The following MAPK14 variants were observed in gnomAD, a reference collection of about 807,000 sequenced individuals.
MAPK14 encodes the protein CSAID-binding protein.
Under a neutral mutation model 49.6 loss-of-function variants are expected in MAPK14, and 16 were observed. That is an observed-to-expected ratio of 0.32 (90% CI 0.22 to 0.49). MAPK14 has a LOEUF of 0.49. Among genes scored for constraint, MAPK14 ranks in the 20% least tolerant of loss-of-function variants. The pLI, the probability that MAPK14 is intolerant of heterozygous loss-of-function variation, is 0.99. For synonymous variants in MAPK14, 142 were observed against 158.0 expected, an observed-to-expected ratio of 0.90 and a Z score of 0.76; for missense variants, 200 against 441.2, an observed-to-expected ratio of 0.45 and a Z score of 4.90.
At chr6:36,108,014 G>C (rs1432880454) in intron 11 of MAPK14, among the ~76,000 whole-genome samples, 1 of 152,150 alleles carries the variant, frequency 6.6e-6, no homozygotes, top group African/African-American at 2.4e-5. Context: ...CATGTATCCT[G>C]TGTCCAGTCC....
intron 6 of MAPK14, among the ~76,000 whole-genome samples, chr6:36,074,376 A>G (rs1166549926): frequency 6.6e-6 from 1 of 152,222 alleles, no homozygotes; most frequent in East Asian, 1.9e-4. Context: ...AAGTAGGCCC[A>G]AAGAGGTGAT....
At chr6:36,070,778 G>T (rs143073892) in intron 3 of MAPK14, among the ~76,000 whole-genome samples, 144 of 152,180 alleles carry the variant, frequency 9.5e-4, no homozygotes, top group Non-Finnish European at 1.8e-4. Flanking sequence ...CCTCTTGGAG[G>T]ACAGAAAGTA....
At chr6:36,057,776 A>G (rs771982007) in intron 2 of MAPK14, among the ~76,000 whole-genome samples, 5 of 152,146 alleles carry the variant, frequency 3.3e-5, no homozygotes, top group African/African-American at 4.8e-5. Context: ...TAATTAGAAG[A>G]TCTTTTTCAT....
intron 8 of MAPK14, among the ~76,000 whole-genome samples, chr6:36,083,030 G>A (rs1174920136): frequency 1.3e-5 from 2 of 152,066 alleles, no homozygotes; most frequent in East Asian, 3.9e-4. Flanking sequence ...TTCCTTTAAA[G>A]ATATAAGAAA....
intron 1 of MAPK14, among the ~76,000 whole-genome samples, chr6:36,040,137 A>G (rs1762908469): frequency 6.6e-6 from 1 of 152,152 alleles, no homozygotes; most frequent in African/African-American, 2.4e-5. Context: ...CTCAACCTGT[A>G]TAACCCAGGG....
chr6:36,118,008 A>G, the MAPK14 span, among the ~76,000 whole-genome samples: 2 of 152,228 alleles, frequency 1.3e-5, no homozygotes, highest in African/African-American at 4.8e-5. Context: ...TGCCTAAGAA[A>G]TGGTGCTGTG....
chr6:36,074,741 G>A (rs1278895843), intron 6 of MAPK14, among the ~76,000 whole-genome samples: 3 of 151,438 alleles, frequency 2.0e-5, no homozygotes, highest in African/African-American at 7.3e-5. Context: ...TCAGCCTCCC[G>A]AGTAGCTGGG....
At chr6:36,034,177 T>G (rs774395109) in intron 1 of MAPK14, among the ~76,000 whole-genome samples, 1 of 152,212 alleles carries the variant, frequency 6.6e-6, no homozygotes, top group Non-Finnish European at 1.5e-5. Flanking sequence ...CCAGTTTATG[T>G]GAGGGGTAAT....
intron 3 of MAPK14, among the ~76,000 whole-genome samples, chr6:36,061,936 T>C (rs1418124939): frequency 6.6e-6 from 1 of 152,236 alleles, no homozygotes; most frequent in Non-Finnish European, 1.5e-5. Context: ...GATGTTCATA[T>C]CACTGAAAAA....
intron 9 of MAPK14, 192 bp downstream of exon 9, chr6:36,096,258 A>G (rs1765443101): frequency 5.6e-6 from 3 of 531,272 alleles, no homozygotes; most frequent in Admixed American, 3.6e-5. Context: ...TGCATGCACA[A>G]GTGTGTTTTA....
intron 8 of MAPK14, among the ~76,000 whole-genome samples, chr6:36,079,621 A>G (rs1407834349): frequency 6.6e-6 from 1 of 152,216 alleles, no homozygotes; most frequent in Non-Finnish European, 1.5e-5. Flanking sequence ...CTTGCTCTAG[A>G]AGGTACTCAT....
At chr6:36,048,440 G>A (rs1763271209) in intron 1 of MAPK14, among the ~76,000 whole-genome samples, 1 of 152,220 alleles carries the variant, frequency 6.6e-6, no homozygotes, top group Non-Finnish European at 1.5e-5. Flanking sequence ...GCCTCCCAAA[G>A]TGCTAGGATT....
At chr6:36,048,152 C>T (rs191152622) in intron 1 of MAPK14, among the ~76,000 whole-genome samples, 63 of 152,178 alleles carry the variant, frequency 4.1e-4, no homozygotes, top group African/African-American at 1.5e-3. Flanking sequence ...AGTGATCCTC[C>T]CACCTCAGAC....
At chr6:36,118,059 T>C in the MAPK14 span, among the ~76,000 whole-genome samples, 1 of 152,244 alleles carries the variant, frequency 6.6e-6, no homozygotes, top group Non-Finnish European at 1.5e-5. Flanking sequence ...GTTAGAAGAA[T>C]TGGCTTCTGA....
intron 1 of MAPK14, 79 bp from the exon 2 acceptor site, chr6:36,052,620 G>T: frequency 7.4e-7 from 1 of 1,360,086 alleles, no homozygotes; most frequent in South Asian, 1.6e-5. Context: ...CTTTAATTTG[G>T]AAATAGCCTT....
At chr6:36,078,934 T>A (rs919340426) in intron 8 of MAPK14, among the ~76,000 whole-genome samples, 7 of 152,264 alleles carry the variant, frequency 4.6e-5, no homozygotes, top group Non-Finnish European at 7.3e-5. Context: ...AGAATCACTT[T>A]GCAGAGCTTT....
chr6:36,096,084 A>G lies in MAPK14; in HGVS notation c.762+18A>G, dbSNP rs1562148443. The G allele has an allele frequency of 6.3e-7, 1 of 1,582,570 alleles. No homozygotes were observed. Among genetic ancestry groups the G allele is most frequent in the Non-Finnish European group, 8.7e-7 (1 of 1,152,160 alleles). ...CAGAGTCTGTGAGTTGATGCTTTGTAATTATCTGCCCTGTTGGGAGCCTCT... is the reference window on the plus strand; with the variant it reads ...CAGAGTCTGTGAGTTGATGCTTTGTGATTATCTGCCCTGTTGGGAGCCTCT... On this transcript the variant is annotated intron_variant, in intron 9 of 11. Coordinates refer to ENST00000229794, the MANE Select transcript of MAPK14 (RefSeq NM_139012.3).
At chr6:36,081,554 G>C (rs536849801) in intron 8 of MAPK14, among the ~76,000 whole-genome samples, 3 of 152,072 alleles carry the variant, frequency 2.0e-5, no homozygotes, top group African/African-American at 7.2e-5. Context: ...AGCAATACAC[G>C]TGTGGGTTTA....
At chr6:36,103,850 T>G (rs1256028549) in intron 10 of MAPK14, among the ~76,000 whole-genome samples, 1 of 152,134 alleles carries the variant, frequency 6.6e-6, no homozygotes, top group East Asian at 1.9e-4. Context: ...TTCTTAAGAT[T>G]GTATTGTGTG....
Sources: gnomAD v4.1 joint callset for allele counts (sites outside exome capture counted in the v4.1 genomes callset) on GRCh38, gnomAD v4.1.1 for gene constraint, MANE v1.5 for transcripts, NCBI Gene and HGNC (gene_info 2026-07-23, HGNC 2026-07-21) for gene names.